Variants in TBC1D8 observed in about 807,000 individuals in gnomAD.
TBC1D8 encodes the protein BUB2-like protein 1.
TBC1D8 carries 65 observed loss-of-function variants against 118.8 expected under a neutral mutation model. The ratio of observed to expected loss-of-function variants is 0.55; its 90% CI spans 0.45 to 0.67. The LOEUF (loss-of-function observed/expected upper bound fraction) is 0.67. TBC1D8 is among the 30% of genes least tolerant of loss of function. The pLI is 0.00. For missense variants in TBC1D8, 1,376 were observed against 1,471.2 expected (o/e 0.94, Z 1.06); for synonymous variants, 566 against 595.8 (o/e 0.95, Z 0.73).
intron 19 of TBC1D8, among the ~76,000 whole-genome samples, chr2:101,008,889 A>G (rs973855554): frequency 2.0e-5 from 3 of 152,128 alleles, no homozygotes; most frequent in African/African-American, 7.2e-5. Flanking sequence ...TAATAGGAAA[A>G]TGCTGGAAAC....
chr2:101,021,839 T>G, intron 16 of TBC1D8, 93 bp from the exon 17 acceptor site: 2 of 800,866 alleles, frequency 2.5e-6, no homozygotes, highest in Non-Finnish European at 4.1e-6. Context: ...CTGGGGAAGG[T>G]CAATACCTGC....
chr2:101,016,119 C>T (rs1679615325), intron 17 of TBC1D8, among the ~76,000 whole-genome samples: 1 of 152,142 alleles, frequency 6.6e-6, no homozygotes, highest in African/African-American at 2.4e-5. Flanking sequence ...AAGAAACTAC[C>T]ATCAGAGTGA....
chr2:101,048,061 G>A lies in TBC1D8; in HGVS notation c.872+2340C>T, dbSNP rs566334082. ...CCAGAACAGCTGCTAGCAGGCCTCC[G>A]ACTCCTGCAACTACACGGTTGCACT... is the stretch of plus-strand genomic sequence containing the variant. On this transcript the variant is annotated intron_variant, in intron 5 of 19. Coordinates refer to ENST00000409318, the MANE Select transcript of TBC1D8 (RefSeq NM_001330348.2). Among the ~76,000 whole-genome samples the A allele has an allele frequency of 2.4e-4, 36 of 152,248 alleles. No individual in the cohort carries two copies. The South Asian group carries it at 5.0e-3, about 21-fold the overall frequency.
chr2:101,012,716 CAAT>C (rs1329791508), intron 17 of TBC1D8, among the ~76,000 whole-genome samples: 1 of 151,938 alleles, frequency 6.6e-6, no homozygotes, highest in African/African-American at 2.4e-5. Flanking sequence ...TACAAAATAA[CAAT>C]TATCGGGGAT....
intron 1 of TBC1D8, among the ~76,000 whole-genome samples, chr2:101,141,969 T>C (rs1023678751): frequency 6.6e-6 from 1 of 152,124 alleles, no homozygotes; most frequent in African/African-American, 2.4e-5. Flanking sequence ...CAATGAGAAA[T>C]AGTATCTTAG....
rs183432045 is a variant in TBC1D8, at chr2:101,099,808, A to G, written c.128-9444T>C. Among the ~76,000 whole-genome samples, 474 of 152,324 alleles carry G rather than the reference A, an allele frequency of 3.1e-3. 1 individual carries two copies. Among genetic ancestry groups the G allele is most frequent in the Admixed American group, 6.1e-3 (93 of 15,294 alleles). ...CAGAAAAGGCCTTTGATAAAATTCAACATCCCTTCATGTTAAAAACTCTCA... is the reference window on the plus strand; with the variant it reads ...CAGAAAAGGCCTTTGATAAAATTCAGCATCCCTTCATGTTAAAAACTCTCA... On this transcript the variant is annotated intron_variant, in intron 1 of 19. Transcript: ENST00000409318.
At chr2:101,037,809 A>T in intron 7 of TBC1D8, 101 bp from the exon 8 acceptor site, 3 of 1,440,774 alleles carry the variant, frequency 2.1e-6, no homozygotes, top group African/African-American at 2.8e-5. Context: ...ATGCACGGGC[A>T]TAGCAGACTT....
At chr2:101,018,784 G>A (rs963097923) in intron 17 of TBC1D8, among the ~76,000 whole-genome samples, 6 of 152,156 alleles carry the variant, frequency 3.9e-5, no homozygotes, top group African/African-American at 1.4e-4. Context: ...AACTTTCTCA[G>A]CAGTTTGTTA....
At chr2:101,038,402 T>G in intron 7 of TBC1D8, 59 bp downstream of exon 7, 1 of 1,574,640 alleles carries the variant, frequency 6.4e-7, no homozygotes, top group Non-Finnish European at 8.7e-7. Flanking sequence ...GTACTCCCCT[T>G]TGGAGACCAC....
chr2:101,009,134 C>T (rs968010174), intron 19 of TBC1D8, among the ~76,000 whole-genome samples: 2 of 152,176 alleles, frequency 1.3e-5, no homozygotes, highest in Admixed American at 6.5e-5. Flanking sequence ...TGGCTCATGC[C>T]TGTAATCCCA....
At chr2:101,139,718 C>T (rs952855935) in intron 1 of TBC1D8, among the ~76,000 whole-genome samples, 18 of 152,290 alleles carry the variant, frequency 1.2e-4, no homozygotes, top group Middle Eastern at 6.8e-3. Flanking sequence ...TCTGCTCAGA[C>T]GGCTCTTTTC....
chr2:101,109,744 G>A (rs1019304057), intron 1 of TBC1D8: 1 of 971,654 alleles, frequency 1.0e-6, no homozygotes, highest in African/African-American at 1.8e-5. Context: ...CCCCAGCCCT[G>A]GCTCCAGAGC....
chr2:101,038,703 G>A (rs775206010), intron 6 of TBC1D8, 48 bp from the exon 7 acceptor site: 1 of 1,597,296 alleles, frequency 6.3e-7, no homozygotes, highest in Non-Finnish European at 8.6e-7. Context: ...AGGAAGGTAG[G>A]CATGTTATTA....
In TBC1D8 at chr2:101,084,941, T is replaced by C. The variant is rs1220253794; in HGVS notation, c.283+5268A>G. Among the ~76,000 whole-genome samples, 3 of 149,818 alleles carry C rather than the reference T, an allele frequency of 2.0e-5. No individual in the cohort carries two copies. The East Asian group carries it at 6.0e-4, about 30-fold the overall frequency. ...TCCGCTCACTGCAAGCTCCGCCTCC[T>C]GGGTTCACGCCATTCTCCTGCCTCA... On this transcript the variant is annotated intron_variant, in intron 2 of 19. Coordinates refer to ENST00000409318, the MANE Select transcript of TBC1D8 (RefSeq NM_001330348.2).
chr2:101,034,242 G>A (rs748361240), intron 9 of TBC1D8, among the ~76,000 whole-genome samples: 10 of 152,122 alleles, frequency 6.6e-5, no homozygotes, highest in Non-Finnish European at 1.5e-4. Context: ...TAGAGCGAAG[G>A]GGAGAAAACT....
At chr2:101,037,287 G>GGCCA (rs920348898) in intron 8 of TBC1D8, among the ~76,000 whole-genome samples, 5 of 152,212 alleles carry the variant, frequency 3.3e-5, no homozygotes, top group African/African-American at 1.2e-4. Context: ...GGGGCAGCGC[G>GGCCA]GCCAGCTCCG....
At chr2:101,016,017 G>A (rs1679607571) in intron 17 of TBC1D8, among the ~76,000 whole-genome samples, 1 of 151,680 alleles carries the variant, frequency 6.6e-6, no homozygotes, top group Non-Finnish European at 1.5e-5. Flanking sequence ...GCATGGGCAA[G>A]GACTTCATGT....
intron 5 of TBC1D8, among the ~76,000 whole-genome samples, chr2:101,048,306 T>C (rs1018391100): frequency 2.0e-5 from 3 of 152,208 alleles, no homozygotes; most frequent in Non-Finnish European, 4.4e-5. Context: ...GCACACACTG[T>C]ACTGGACTGT....
At chr2:101,070,101 G>C (rs1468779472) in intron 2 of TBC1D8, among the ~76,000 whole-genome samples, 1 of 151,792 alleles carries the variant, frequency 6.6e-6, no homozygotes, top group South Asian at 2.1e-4. Flanking sequence ...ATTTTCAGTA[G>C]AGATGTGGTT....
Sources: allele counts gnomAD v4.1 joint callset (sites outside exome capture counted in the v4.1 genomes callset), GRCh38; gene constraint gnomAD v4.1.1; transcripts MANE v1.5; gene names NCBI Gene and HGNC (gene_info 2026-07-23, HGNC 2026-07-21).